Variants in CMC2 observed in about 807,000 individuals in gnomAD.
CMC2 encodes C-X9-C motif containing 2.
CMC2 carries 5 observed loss-of-function variants against 7.5 expected under a neutral mutation model. The observed-to-expected ratio is 0.66, with a 90% CI of 0.35 to 1.40. CMC2 has a LOEUF of 1.40. Ranked by LOEUF, CMC2 falls within the 40% of genes most tolerant of loss-of-function variation. CMC2 has a pLI of 0.04. For synonymous variants in CMC2, 37 were observed against 31.4 expected (o/e 1.18, Z -0.60); for missense variants, 115 against 92.3 (o/e 1.25, Z -1.01).
At chr16:80,985,933 G>A (rs1967494533) in intron 2 of CMC2, among the ~76,000 whole-genome samples, 1 of 142,314 alleles carries the variant, frequency 7.0e-6, no homozygotes, top group Non-Finnish European at 1.5e-5. Context: ...AGGAATGAAG[G>A]GGAAGGAGCT....
At chr16:80,984,869 T>C (rs558641346) in intron 2 of CMC2, among the ~76,000 whole-genome samples, 1 of 152,338 alleles carries the variant, frequency 6.6e-6, no homozygotes, top group Non-Finnish European at 1.5e-5. Flanking sequence ...TGATGTTACA[T>C]GAAAAATATT....
At position 80,966,862 on chromosome 16, in the gene CMC2, T is replaced by G. The variant is rs963928066; in HGVS notation, c.*9231A>C. 7 of 151,458 alleles carry G rather than the reference T, an allele frequency of 4.6e-5. No homozygotes were observed. The highest frequency in any genetic ancestry group is 1.0e-4 in the Non-Finnish European group (7 of 67,986). 9.4% of individuals were successfully genotyped at this position (151,458 alleles called of 1,614,324 possible). On this transcript the variant is annotated 3_prime_UTR_variant, in exon 4 of 4. Coordinates refer to ENST00000219400, the MANE Select transcript of CMC2 (RefSeq NM_020188.5). ...GAAATCTTCATTCCTTTGTATAGAT[T>G]CATGGTATACCTTTGTGTAAATGCA... is the stretch of plus-strand genomic sequence containing the variant.
Position 80,974,382 on chromosome 16 carries a change from G to C in CMC2, c.*1711C>G, listed in dbSNP as rs551595479. On this transcript the variant is annotated 3_prime_UTR_variant, in exon 4 of 4. Coordinates refer to ENST00000219400, the MANE Select transcript of CMC2 (RefSeq NM_020188.5). Reference sequence around the variant, plus strand: ...CTAAAATACAAATTGAAATATATCAGCCTTCCAACTAACTCCTCTACCCAA... The same window carrying C: ...CTAAAATACAAATTGAAATATATCACCCTTCCAACTAACTCCTCTACCCAA... 1 of 152,034 alleles carries C rather than the reference G, an allele frequency of 6.6e-6. No individual in the cohort carries two copies. Among genetic ancestry groups the C allele is most frequent in the Non-Finnish European group, 1.5e-5 (1 of 68,014 alleles). The allele number at this position is 152,034 out of a possible 1,614,324, so 9.4% of individuals were successfully genotyped here.
rs527886408 is a variant in CMC2 at position 80,992,295 on chromosome 16, G to A, written c.81+5019C>T. ...AAAGTGTGTTCCCAACATTTTCCAAGTGCAAACAACACTGCAGTAAATAAC... is the reference window on the plus strand; with the variant it reads ...AAAGTGTGTTCCCAACATTTTCCAAATGCAAACAACACTGCAGTAAATAAC... On this transcript the variant is annotated intron_variant, in intron 2 of 3. Coordinates refer to ENST00000219400, the MANE Select transcript of CMC2 (RefSeq NM_020188.5). Among the ~76,000 whole-genome samples, 6 of 152,308 alleles carry A rather than the reference G, an allele frequency of 3.9e-5. No homozygotes were observed. The East Asian group carries it at 1.2e-3, about 29-fold the overall frequency.
In CMC2 at chr16:80,973,552, A is replaced by G. The variant is rs1222443765; in HGVS notation, c.*2541T>C. 1 of 152,182 alleles carries G rather than the reference A, an allele frequency of 6.6e-6. No individual in the cohort carries two copies. Among genetic ancestry groups the G allele is most frequent in the East Asian group, 1.9e-4 (1 of 5,190 alleles). 9.4% of individuals were successfully genotyped at this position (152,182 alleles called of 1,614,324 possible). ...ACCAGAAAGATCTTTATAAAATATA[A>G]ATAAATGAAATCATAACCACTCCCT... On this transcript the variant is annotated 3_prime_UTR_variant, in exon 4 of 4. Transcript: ENST00000219400.
At chr16:80,998,551 A>C (rs1367925029) in intron 1 of CMC2, 3 of 152,224 alleles carry the variant, frequency 2.0e-5, no homozygotes, top group Non-Finnish European at 4.4e-5. Flanking sequence ...AATTAAATGC[A>C]GGGTTTTGAA....
intron 2 of CMC2, among the ~76,000 whole-genome samples, chr16:80,994,765 G>C (rs1968271966): frequency 6.6e-6 from 1 of 152,220 alleles, no homozygotes; most frequent in Non-Finnish European, 1.5e-5. Context: ...GGCCTTTTAT[G>C]AAGGTACATA....
chr16:81,000,000 T>A (rs185120771), intron 1 of CMC2, among the ~76,000 whole-genome samples: 11 of 152,176 alleles, frequency 7.2e-5, no homozygotes, highest in South Asian at 2.1e-4. Context: ...GGAAGAGAAT[T>A]AGGACTAAGT....
intron 2 of CMC2, among the ~76,000 whole-genome samples, chr16:80,985,442 T>C (rs1967445880): frequency 6.6e-6 from 1 of 152,218 alleles, no homozygotes; most frequent in Non-Finnish European, 1.5e-5. Context: ...TTTTTCTGGT[T>C]TGAAAAATAA....
intron 1 of CMC2, among the ~76,000 whole-genome samples, chr16:80,999,977 G>C (rs566426718): frequency 1.3e-5 from 2 of 152,204 alleles, no homozygotes; most frequent in African/African-American, 4.8e-5. Context: ...CACCATTCTG[G>C]ACATTCACCT....
At position 80,968,657 on chromosome 16, in the gene CMC2, A is replaced by G. The variant is rs989116133; in HGVS notation, c.*7436T>C. Reference sequence around the variant, plus strand: ...TTTCTGGTAAAATAGCTCATTAGGTAATCTGAAAACACTCCTGCTAAAAAG... The same window carrying G: ...TTTCTGGTAAAATAGCTCATTAGGTGATCTGAAAACACTCCTGCTAAAAAG... On this transcript the variant is annotated 3_prime_UTR_variant, in exon 4 of 4. Coordinates refer to ENST00000219400, the MANE Select transcript of CMC2 (RefSeq NM_020188.5). 4 of 152,230 alleles carry G rather than the reference A, an allele frequency of 2.6e-5. No homozygotes were observed. The allele number at this position is 152,230 out of a possible 1,614,324, so 9.4% of individuals were successfully genotyped here.
rs758905230 is a variant in CMC2, at chr16:80,976,177, G to A, written c.156C>T (p.Tyr52=). Residue 52 remains tyrosine, a splice_region_variant and synonymous_variant, in exon 4 of 4, where the codon TAC becomes TAT. Coordinates refer to ENST00000219400, the MANE Select transcript of CMC2 (RefSeq NM_020188.5). ...CCCTGCTCTTGGTCCTGTTTTCTAC[G>A]TACTGAAAAATAAAAGAAGGGGGGG... ...RELRKCLKNE[Y]VENRTKSREH... is the part of the protein sequence containing the mutation. 10 of 1,554,242 alleles carry A rather than the reference G, an allele frequency of 6.4e-6. No individual in the cohort carries two copies. The highest frequency in any genetic ancestry group is 4.5e-5 in the East Asian group (2 of 44,210).
At chr16:80,995,161 G>C (rs1042738162) in intron 2 of CMC2, among the ~76,000 whole-genome samples, 1 of 151,844 alleles carries the variant, frequency 6.6e-6, no homozygotes, top group African/African-American at 2.4e-5. Context: ...CAAATGACTT[G>C]TGCATGAATG....
chr16:80,980,906 GA>G, intron 3 of CMC2: 2 of 693,780 alleles, frequency 2.9e-6, no homozygotes, highest in Non-Finnish European at 5.2e-6. Flanking sequence ...AAGAAAAAAA[GA>G]AACAAACTAT....
chr16:80,994,348 A>T (rs929184306), intron 2 of CMC2, among the ~76,000 whole-genome samples: 1 of 152,200 alleles, frequency 6.6e-6, no homozygotes, highest in East Asian at 1.9e-4. Context: ...GATCCTTAAG[A>T]CACAAAAAGC....
chr16:80,975,593 A>G lies in CMC2; in HGVS notation c.*500T>C, dbSNP rs9921448. 52,767 of 152,464 alleles carry G rather than the reference A, an allele frequency of 0.35. 10,830 individuals are homozygous for G. The highest frequency in any genetic ancestry group is 0.58 in the African/African-American group (23,841 of 41,404). The allele number at this position is 152,464 out of a possible 1,614,324, so 9.4% of individuals were successfully genotyped here. A position where few individuals can be genotyped will look rare whatever the true frequency, so the allele number is the denominator to read the frequency against. The stretch of plus-strand genomic sequence containing the variant: ...CGCACCACTGCACTCCAGCCTGGGC[A>G]GCAAAGTAACACTATGTCTCAAAAA... On this transcript the variant is annotated 3_prime_UTR_variant, in exon 4 of 4. Transcript: ENST00000219400.
chr16:80,970,873 A>T lies in CMC2; in HGVS notation c.*5220T>A, dbSNP rs866189655. 6 of 152,358 alleles carry T rather than the reference A, an allele frequency of 3.9e-5. No individual in the cohort carries two copies. Among genetic ancestry groups the T allele is most frequent in the African/African-American group, 1.2e-4 (5 of 41,588 alleles). 9.4% of individuals were successfully genotyped at this position (152,358 alleles called of 1,614,324 possible). On this transcript the variant is annotated 3_prime_UTR_variant, in exon 4 of 4. Coordinates refer to ENST00000219400, the MANE Select transcript of CMC2 (RefSeq NM_020188.5). Reference sequence around the variant, plus strand: ...GATATTAGAATAAGTAATTTTAAAAATACCCCTTAGACACAAATCTAGCAA... The same window carrying T: ...GATATTAGAATAAGTAATTTTAAAATTACCCCTTAGACACAAATCTAGCAA...
chr16:80,998,643 T>C (rs946609808), intron 1 of CMC2: 3 of 152,114 alleles, frequency 2.0e-5, no homozygotes, highest in Admixed American at 6.5e-5. Flanking sequence ...CAACAGACAA[T>C]GGATCAGCAC....
Position 80,976,144 on chromosome 16 carries a change from G to A in CMC2, c.189C>T (p.Gly63=). Residue 63 remains glycine (G), a synonymous_variant, in exon 4 of 4, where the codon GGC becomes GGT. Transcript: ENST00000219400. The part of the protein sequence containing the change: ...VENRTKSREH[G]IAMRKKLFNP... ...TAAAAAGTTTCTTTCGCATTGCAAT[G>A]CCATGCTCCCTGCTCTTGGTCCTGT... 6.2e-7 allele frequency: 1 copy of A among 1,609,122 alleles called. No homozygotes were observed. The highest frequency in any genetic ancestry group is 8.5e-7 in the Non-Finnish European group (1 of 1,176,186).
Sources: allele counts gnomAD v4.1 joint callset (sites outside exome capture counted in the v4.1 genomes callset), GRCh38; gene constraint gnomAD v4.1.1; transcripts MANE v1.5; gene names NCBI Gene and HGNC (gene_info 2026-07-23, HGNC 2026-07-21).